CADPS: variants seen among roughly 807,000 people sequenced by gnomAD.
CADPS encodes the protein calcium dependent secretion activator.
Under a neutral mutation model 167.3 loss-of-function variants are expected in CADPS, and 57 were observed. The ratio of observed to expected loss-of-function variants is 0.34; its 90% CI spans 0.28 to 0.42. CADPS has a LOEUF of 0.42. Ranked by LOEUF, CADPS falls within the 20% of genes least tolerant of loss-of-function variation. The pLI is 1.00. For missense variants in CADPS, 1,414 were observed against 1,738.1 expected (o/e 0.81, Z 3.32); for synonymous variants, 676 against 635.3 (o/e 1.06, Z -0.96).
chr3:62,619,737 C>G (rs2062871136), intron 6 of CADPS, among the ~76,000 whole-genome samples: 1 of 152,220 alleles, frequency 6.6e-6, no homozygotes, highest in South Asian at 2.1e-4. Flanking sequence ...TTACAAGGGA[C>G]AGAGAAAAGT....
intron 3 of CADPS, among the ~76,000 whole-genome samples, chr3:62,712,892 G>C (rs780534431): frequency 6.6e-6 from 1 of 152,142 alleles, no homozygotes. Context: ...GTGAGAGGAG[G>C]AACAGGCCAG....
chr3:62,599,843 T>TATAATAAATA (rs2059651683), intron 6 of CADPS, among the ~76,000 whole-genome samples: 2 of 4,202 alleles, frequency 4.8e-4, no homozygotes, highest in Non-Finnish European at 2.6e-3. Flanking sequence ...TAATATATTA[T>TATAATAAATA]ATATATATAA....
At chr3:62,773,185 T>C (rs2089376673) in intron 1 of CADPS, among the ~76,000 whole-genome samples, 1 of 152,064 alleles carries the variant, frequency 6.6e-6, no homozygotes, top group Non-Finnish European at 1.5e-5. Context: ...TATTAATAAA[T>C]AAAATATGCC....
intron 11 of CADPS, among the ~76,000 whole-genome samples, chr3:62,549,017 C>A (rs1186966966): frequency 2.6e-5 from 4 of 152,174 alleles, no homozygotes; most frequent in Non-Finnish European, 5.9e-5. Flanking sequence ...TATTTCTAGA[C>A]AGTTGCTCAA....
At chr3:62,466,928 C>T (rs1030142800) in intron 24 of CADPS, among the ~76,000 whole-genome samples, 2 of 152,134 alleles carry the variant, frequency 1.3e-5, no homozygotes, top group African/African-American at 4.8e-5. Flanking sequence ...ATTTTGTCTC[C>T]AAGTCTTGAC....
At chr3:62,756,497 A>T (rs949322678) in intron 2 of CADPS, among the ~76,000 whole-genome samples, 3 of 152,216 alleles carry the variant, frequency 2.0e-5, no homozygotes, top group African/African-American at 7.2e-5. Flanking sequence ...CTCTAGGTGG[A>T]AGACACTGTA....
chr3:62,782,260 G>A (rs1436501005), intron 1 of CADPS, among the ~76,000 whole-genome samples: 2 of 152,156 alleles, frequency 1.3e-5, no homozygotes, highest in Non-Finnish European at 2.9e-5. Flanking sequence ...AGGACTTACT[G>A]TTCAAATTTC....
At chr3:62,502,744 C>G (rs1051683559) in intron 17 of CADPS, among the ~76,000 whole-genome samples, 1 of 152,058 alleles carries the variant, frequency 6.6e-6, no homozygotes, top group Non-Finnish European at 1.5e-5. Flanking sequence ...GTTTACGGTA[C>G]TTGATTTTGG....
chr3:62,499,291 A>G, intron 17 of CADPS, 23 bp from the exon 18 acceptor site: 1 of 1,518,734 alleles, frequency 6.6e-7, no homozygotes, highest in Non-Finnish European at 9.1e-7. Context: ...AGTTTGTGTT[A>G]AAATTCAGCG....
chr3:62,650,473 T>C (rs2069812817), intron 5 of CADPS, among the ~76,000 whole-genome samples: 1 of 152,136 alleles, frequency 6.6e-6, no homozygotes, highest in Non-Finnish European at 1.5e-5. Flanking sequence ...GGAAGGATGA[T>C]GGGAAAGAAA....
At chr3:62,784,174 T>C (rs910770957) in intron 1 of CADPS, among the ~76,000 whole-genome samples, 4 of 152,194 alleles carry the variant, frequency 2.6e-5, no homozygotes, top group Non-Finnish European at 4.4e-5. Flanking sequence ...TCACTGGCCA[T>C]AGATGGTTTA....
chr3:62,605,994 G>T (rs2060643137), intron 6 of CADPS, among the ~76,000 whole-genome samples: 1 of 152,058 alleles, frequency 6.6e-6, no homozygotes, highest in South Asian at 2.1e-4. Flanking sequence ...AAAAGGACTT[G>T]TTCTCATTTT....
chr3:62,495,168 T>C (rs988492648), intron 18 of CADPS, among the ~76,000 whole-genome samples: 30 of 152,202 alleles, frequency 2.0e-4, no homozygotes, highest in South Asian at 2.1e-4. Flanking sequence ...TATTGGAGTC[T>C]GGTAGAACAG....
chr3:62,678,683 G>C (rs1337314263), intron 3 of CADPS, among the ~76,000 whole-genome samples: 1 of 152,082 alleles, frequency 6.6e-6, no homozygotes, highest in Non-Finnish European at 1.5e-5. Flanking sequence ...AAGCCTAAAT[G>C]CATGCCTATT....
chr3:62,695,650 A>T (rs770792631), intron 3 of CADPS, among the ~76,000 whole-genome samples: 1 of 151,882 alleles, frequency 6.6e-6, no homozygotes, highest in Non-Finnish European at 1.5e-5. Flanking sequence ...ATTTGCCACC[A>T]TAACTGTTTT....
intron 3 of CADPS, among the ~76,000 whole-genome samples, chr3:62,723,864 T>A (rs931981648): frequency 6.6e-6 from 1 of 152,218 alleles, no homozygotes; most frequent in Non-Finnish European, 1.5e-5. Context: ...GTAGCCACGT[T>A]CTCAGAGAGG....
chr3:62,574,747 A>AAGAC (rs1467906307), intron 8 of CADPS, among the ~76,000 whole-genome samples: 7 of 152,326 alleles, frequency 4.6e-5, no homozygotes, highest in Non-Finnish European at 1.0e-4. Context: ...GGTGCTCTGT[A>AAGAC]AGACAGGTCA....
chr3:62,709,047 G>A (rs2082873596), intron 3 of CADPS, among the ~76,000 whole-genome samples: 1 of 149,958 alleles, frequency 6.7e-6, no homozygotes, highest in South Asian at 2.2e-4. Flanking sequence ...GTACTTATAA[G>A]AGCCTAATTC....
chr3:62,431,800 T>C (rs897561289), intron 28 of CADPS, among the ~76,000 whole-genome samples: 9 of 151,658 alleles, frequency 5.9e-5, no homozygotes, highest in Admixed American at 5.3e-4. Flanking sequence ...GCATGGGAAA[T>C]AGTGACCATT....
Sources: gnomAD v4.1 joint callset for allele counts (sites outside exome capture counted in the v4.1 genomes callset) on GRCh38, gnomAD v4.1.1 for gene constraint, MANE v1.5 for transcripts, NCBI Gene and HGNC (gene_info 2026-07-23, HGNC 2026-07-21) for gene names.